Variants in SAMD5 observed in about 807,000 individuals in gnomAD.
SAMD5 encodes the protein sterile alpha motif domain containing 5.
Under a neutral mutation model 11.3 loss-of-function variants are expected in SAMD5, and 13 were observed. The ratio of observed to expected loss-of-function variants is 1.15; its 90% CI spans 0.75 to 1.83. The LOEUF (loss-of-function observed/expected upper bound fraction) is 1.83. SAMD5 is among the 40% of genes most tolerant of loss of function. The probability of loss-of-function intolerance (pLI) is 0.00; values close to 1 mark genes in which losing one functional copy is unlikely to be tolerated. For missense variants in SAMD5, 255 were observed against 239.1 expected, an observed-to-expected ratio of 1.07 and a Z score of -0.44; for synonymous variants, 129 against 111.3, an observed-to-expected ratio of 1.16 and a Z score of -1.00.
chr6:147,644,072 T>C (rs1455231264), intron 1 of SAMD5, among the ~76,000 whole-genome samples: 1 of 152,150 alleles, frequency 6.6e-6, no homozygotes, highest in Non-Finnish European at 1.5e-5. Flanking sequence ...CATTGCATGA[T>C]GAATGTTTGC....
chr6:147,897,943 TAAAAAAAAA>T, the SAMD5 span, among the ~76,000 whole-genome samples: 104 of 89,600 alleles, frequency 1.2e-3, 1 homozygote, highest in South Asian at 4.4e-3. Flanking sequence ...AGATTTTTCT[TAAAAAAAAA>T]AAAAAAAAAA....
chr6:147,832,666 C>T, the SAMD5 span, among the ~76,000 whole-genome samples: 1 of 152,182 alleles, frequency 6.6e-6, no homozygotes, highest in Non-Finnish European at 1.5e-5. Flanking sequence ...TGTATTTCAT[C>T]TATTGCTTCG....
At chr6:147,895,863 T>C in the SAMD5 span, among the ~76,000 whole-genome samples, 1 of 152,140 alleles carries the variant, frequency 6.6e-6, no homozygotes, top group African/African-American at 2.4e-5. Context: ...AACCATGCTA[T>C]TCCCAAGAAA....
intron 1 of SAMD5, among the ~76,000 whole-genome samples, chr6:147,608,440 A>G (rs1469706599): frequency 6.6e-6 from 1 of 152,226 alleles, no homozygotes; most frequent in Admixed American, 6.5e-5. Flanking sequence ...CATATACACA[A>G]TGGAGTACTA....
In SAMD5 at chr6:147,565,311, G is replaced by A. The variant is rs1789018628; in HGVS notation, c.*855G>A. 1.0e-6 allele frequency: 1 copy of A among 985,946 alleles called. No individual in the cohort carries two copies. The highest frequency in any genetic ancestry group is 1.2e-6 in the Non-Finnish European group (1 of 829,966). The allele number at this position is 985,946 out of a possible 1,614,324, so 61.1% of individuals were successfully genotyped here. ...CAGGCTTCTGACTTCAGGCCTGTGGGGGCCGGGAGGTGGGCAGCGGCAGTG... is the reference window on the plus strand; with the variant it reads ...CAGGCTTCTGACTTCAGGCCTGTGGAGGCCGGGAGGTGGGCAGCGGCAGTG... On this transcript the variant is annotated 3_prime_UTR_variant, in exon 2 of 2. Transcript: ENST00000367474.
chr6:147,656,985 T>G (rs1790580426), intron 1 of SAMD5, among the ~76,000 whole-genome samples: 1 of 151,630 alleles, frequency 6.6e-6, no homozygotes, highest in Non-Finnish European at 1.5e-5. Context: ...TTGCAAAATG[T>G]TGGAAACTAC....
chr6:147,787,310 T>G, the SAMD5 span, among the ~76,000 whole-genome samples: 1 of 152,206 alleles, frequency 6.6e-6, no homozygotes, highest in Non-Finnish European at 1.5e-5. Context: ...ATAGCACAGA[T>G]GCAAAGTCCT....
At chr6:147,913,336 T>C in the SAMD5 span, among the ~76,000 whole-genome samples, 7 of 152,118 alleles carry the variant, frequency 4.6e-5, no homozygotes, top group South Asian at 2.1e-4. Context: ...TGAAGCAGTT[T>C]TGAAACAATT....
At chr6:147,512,749 C>A (rs796500030) in intron 1 of SAMD5, among the ~76,000 whole-genome samples, 1 of 151,868 alleles carries the variant, frequency 6.6e-6, no homozygotes, top group Non-Finnish European at 1.5e-5. Flanking sequence ...CTATGCCAGG[C>A]CTTCTGTTGG....
At chr6:147,631,081 G>A (rs965286706) in intron 1 of SAMD5, among the ~76,000 whole-genome samples, 3 of 152,170 alleles carry the variant, frequency 2.0e-5, no homozygotes, top group African/African-American at 7.2e-5. Context: ...GCTGCTTCAA[G>A]CGGGATTAGG....
intron 1 of SAMD5, among the ~76,000 whole-genome samples, chr6:147,629,521 A>T (rs889537572): frequency 2.0e-5 from 3 of 152,204 alleles, no homozygotes; most frequent in Non-Finnish European, 2.9e-5. Context: ...AGCAACAGGT[A>T]TGAGAAAGGT....
chr6:147,773,578 A>T, the SAMD5 span, among the ~76,000 whole-genome samples: 1 of 152,196 alleles, frequency 6.6e-6, no homozygotes, highest in African/African-American at 2.4e-5. Context: ...CCTGATATGC[A>T]GATAGCTGTC....
chr6:147,798,300 T>A, the SAMD5 span, among the ~76,000 whole-genome samples: 1 of 150,704 alleles, frequency 6.6e-6, no homozygotes. Flanking sequence ...AGAACATCTT[T>A]ATTTCTGCCT....
At chr6:147,655,550 T>C (rs1446224219) in intron 1 of SAMD5, among the ~76,000 whole-genome samples, 3 of 152,228 alleles carry the variant, frequency 2.0e-5, no homozygotes, top group Non-Finnish European at 2.9e-5. Context: ...AGTGACTTTA[T>C]TAATCAGAAT....
intron 1 of SAMD5, among the ~76,000 whole-genome samples, chr6:147,654,122 C>A (rs1007029805): frequency 6.6e-6 from 1 of 152,074 alleles, no homozygotes; most frequent in African/African-American, 2.4e-5. Flanking sequence ...CTTTCTCCTC[C>A]AGGATAAAAT....
the SAMD5 span, among the ~76,000 whole-genome samples, chr6:147,865,560 A>G: frequency 6.6e-6 from 1 of 152,174 alleles, no homozygotes. Flanking sequence ...GACATGTAAT[A>G]CATTTTGTGT....
chr6:147,763,252 C>T, the SAMD5 span, among the ~76,000 whole-genome samples: 4 of 152,114 alleles, frequency 2.6e-5, no homozygotes, highest in East Asian at 5.8e-4. Flanking sequence ...CTCCGCCTCT[C>T]GGGTTCAAGC....
intron 1 of SAMD5, among the ~76,000 whole-genome samples, chr6:147,699,460 T>C (rs1233093838): frequency 1.3e-5 from 2 of 152,190 alleles, no homozygotes; most frequent in Admixed American, 6.5e-5. Flanking sequence ...AATTTAACAT[T>C]GAATAAAATG....
the SAMD5 span, among the ~76,000 whole-genome samples, chr6:147,790,091 T>A: frequency 6.6e-6 from 1 of 152,224 alleles, no homozygotes; most frequent in East Asian, 1.9e-4. Flanking sequence ...ATCTGATTGA[T>A]CTGAAAACCT....
Sources: gnomAD v4.1 joint callset for allele counts (sites outside exome capture counted in the v4.1 genomes callset) on GRCh38, gnomAD v4.1.1 for gene constraint, MANE v1.5 for transcripts, NCBI Gene and HGNC (gene_info 2026-07-23, HGNC 2026-07-21) for gene names.